Variants in ARHGAP24 observed in about 807,000 individuals in gnomAD.
ARHGAP24 encodes rho GTPase-activating protein 24.
In ARHGAP24, 50 loss-of-function variants were observed where a neutral mutation model predicts 76.4. That is an observed-to-expected ratio of 0.65 (90% CI 0.52 to 0.83). The LOEUF (loss-of-function observed/expected upper bound fraction) is 0.83. Among genes scored for constraint, ARHGAP24 ranks in the 40% least tolerant of loss-of-function variants. The pLI is 0.00. For synonymous variants in ARHGAP24, 345 were observed against 323.3 expected (o/e 1.07, Z -0.72); for missense variants, 930 against 914.2 (o/e 1.02, Z -0.22).
At chr4:85,930,990 C>G in intron 4 of ARHGAP24, 1 of 1,613,730 alleles carries the variant, frequency 6.2e-7, no homozygotes, top group Non-Finnish European at 8.5e-7. Flanking sequence ...CAACTCCTTT[C>G]ATCCCTAAAA....
rs185154812 is a variant in ARHGAP24 at position 85,987,490 on chromosome 4, A to G, written c.929-7093A>G. 2.6e-4 allele frequency among the ~76,000 whole-genome samples: 40 copies of G among 152,224 alleles called. 1 individual carries two copies. Among genetic ancestry groups the G allele is most frequent in the African/African-American group, 9.4e-4 (39 of 41,568 alleles). On this transcript the variant is annotated intron_variant, in intron 8 of 9. Transcript: ENST00000395184. ...GCTGTAACCAGGACATAAAATAGCT[A>G]ATAGAAAAAGACCCAAATGTGATTG...
At chr4:85,707,329 C>G (rs1350477299) in intron 2 of ARHGAP24, among the ~76,000 whole-genome samples, 4 of 152,114 alleles carry the variant, frequency 2.6e-5, no homozygotes, top group Non-Finnish European at 4.4e-5. Flanking sequence ...TATGGATGAC[C>G]TGTTTGTGCT....
intron 3 of ARHGAP24, among the ~76,000 whole-genome samples, chr4:85,854,135 C>CAAAAAAA (rs35799327): frequency 5.8e-5 from 5 of 85,546 alleles, no homozygotes; most frequent in Admixed American, 1.4e-4. Flanking sequence ...GACTCTGTCT[C>CAAAAAAA]AAAAAAAAAA....
intron 3 of ARHGAP24, among the ~76,000 whole-genome samples, chr4:85,912,186 T>C (rs1213051132): frequency 6.6e-6 from 1 of 152,214 alleles, no homozygotes; most frequent in African/African-American, 2.4e-5. Flanking sequence ...GCTGTGGAAG[T>C]GATAATGGTC....
intron 2 of ARHGAP24, among the ~76,000 whole-genome samples, chr4:85,639,231 T>C (rs189068062): frequency 1.2e-4 from 19 of 152,306 alleles, no homozygotes; most frequent in African/African-American, 4.6e-4. Flanking sequence ...CTCAGCAGCT[T>C]TGATACAGAT....
Position 85,972,035 on chromosome 4 carries a change from G to A in ARHGAP24, c.600-1G>A. On this transcript the variant is annotated splice_acceptor_variant, in intron 5 of 9. Coordinates refer to ENST00000395184, the MANE Select transcript of ARHGAP24 (RefSeq NM_001025616.3). LOFTEE classifies it high-confidence loss of function. ...ATATCTTCACACTTCTGTCTCCACA[G>A]CAACACAGATGTACACACGGTGGCA... is the stretch of plus-strand genomic sequence containing the variant. 6.2e-7 allele frequency: 1 copy of A among 1,613,946 alleles called. No individual in the cohort carries two copies. The highest frequency in any genetic ancestry group is 8.5e-7 in the Non-Finnish European group (1 of 1,179,950).
Position 85,477,195 on chromosome 4 carries a change from A to C in ARHGAP24, c.-21+1636A>C, listed in dbSNP as rs142001235. Among the ~76,000 whole-genome samples the C allele has an allele frequency of 4.9e-3, 749 of 152,302 alleles. 4 individuals carry two copies. The highest frequency in any genetic ancestry group is 0.017 in the African/African-American group (711 of 41,560). ...TAAAAGAGGTATGGTACTAGGAAAA[A>C]TAATCGGTAATTCTTTCTGCATGTG... On this transcript the variant is annotated intron_variant, in intron 1 of 9. Coordinates refer to ENST00000395184, the MANE Select transcript of ARHGAP24 (RefSeq NM_001025616.3).
chr4:85,829,811 A>AC (rs1729898280), intron 3 of ARHGAP24, among the ~76,000 whole-genome samples: 1 of 152,188 alleles, frequency 6.6e-6, no homozygotes, highest in African/African-American at 2.4e-5. Flanking sequence ...ATCCATGTGA[A>AC]CCCATGGTCA....
chr4:85,544,996 C>T (rs562134146), intron 1 of ARHGAP24, among the ~76,000 whole-genome samples: 12 of 152,092 alleles, frequency 7.9e-5, no homozygotes, highest in East Asian at 1.9e-4. Flanking sequence ...TCGTGTCACA[C>T]GGACTGAATT....
At chr4:85,919,656 C>A (rs763098801) in intron 3 of ARHGAP24, among the ~76,000 whole-genome samples, 1 of 152,120 alleles carries the variant, frequency 6.6e-6, no homozygotes, top group Non-Finnish European at 1.5e-5. Context: ...GATAAAGCAT[C>A]AAATGAAAAG....
intron 3 of ARHGAP24, among the ~76,000 whole-genome samples, chr4:85,897,235 T>C (rs1734228416): frequency 6.6e-6 from 1 of 152,116 alleles, no homozygotes; most frequent in Non-Finnish European, 1.5e-5. Context: ...CACTGATCTG[T>C]TGTCAAGCAG....
intron 2 of ARHGAP24, among the ~76,000 whole-genome samples, chr4:85,631,674 C>T (rs1721164269): frequency 6.6e-6 from 1 of 152,044 alleles, no homozygotes; most frequent in African/African-American, 2.4e-5. Flanking sequence ...AATTATTACT[C>T]AATTTACTTT....
At chr4:85,696,830 A>G (rs568481264) in intron 2 of ARHGAP24, among the ~76,000 whole-genome samples, 1 of 152,188 alleles carries the variant, frequency 6.6e-6, no homozygotes, top group Admixed American at 6.5e-5. Flanking sequence ...GACTTATATG[A>G]AAGGACACCA....
intron 2 of ARHGAP24, among the ~76,000 whole-genome samples, chr4:85,666,303 C>T (rs568558180): frequency 5.3e-5 from 8 of 152,294 alleles, no homozygotes; most frequent in Non-Finnish European, 8.8e-5. Flanking sequence ...TCCAGTTGAT[C>T]GCATCGGCTC....
intron 2 of ARHGAP24, among the ~76,000 whole-genome samples, chr4:85,647,414 T>C (rs550714327): frequency 7.9e-4 from 120 of 152,202 alleles, no homozygotes; most frequent in African/African-American, 2.6e-3. Context: ...CATTTGCCTG[T>C]GGTGATCTAC....
intron 2 of ARHGAP24, among the ~76,000 whole-genome samples, chr4:85,665,161 A>T (rs920632199): frequency 2.6e-5 from 4 of 152,118 alleles, no homozygotes; most frequent in Non-Finnish European, 5.9e-5. Flanking sequence ...GTTTCTTTGT[A>T]GGTCACTAAG....
chr4:85,817,349 CA>C (rs1233016398), intron 3 of ARHGAP24, among the ~76,000 whole-genome samples: 1 of 152,116 alleles, frequency 6.6e-6, no homozygotes, highest in Non-Finnish European at 1.5e-5. Flanking sequence ...AGACCAATGT[CA>C]AAATGCTTTT....
intron 2 of ARHGAP24, among the ~76,000 whole-genome samples, chr4:85,584,439 T>C (rs923567622): frequency 1.1e-4 from 12 of 108,620 alleles, no homozygotes; most frequent in Admixed American, 3.0e-4. Flanking sequence ...TGAGGACTGT[T>C]GTGGGGTTGG....
chr4:85,736,861 G>A (rs578211968), intron 3 of ARHGAP24, among the ~76,000 whole-genome samples: 19 of 152,236 alleles, frequency 1.2e-4, no homozygotes, highest in African/African-American at 9.6e-5. Flanking sequence ...AAATGAGGAT[G>A]GTGATCTGTG....
Sources: allele counts gnomAD v4.1 joint callset (sites outside exome capture counted in the v4.1 genomes callset), GRCh38; gene constraint gnomAD v4.1.1; transcripts MANE v1.5; gene names NCBI Gene and HGNC (gene_info 2026-07-23, HGNC 2026-07-21).